GLRB: variants seen among roughly 807,000 people sequenced by gnomAD.
GLRB encodes the protein glycine receptor subunit beta.
In GLRB, 33 loss-of-function variants were observed where a neutral mutation model predicts 54.2. That is an observed-to-expected ratio of 0.61 (90% CI 0.46 to 0.81). The LOEUF (loss-of-function observed/expected upper bound fraction) is 0.81, where lower values mean the gene tolerates loss of function less well. GLRB is among the 40% of genes least tolerant of loss of function. The pLI, the probability that GLRB is intolerant of heterozygous loss-of-function variation, is 0.00. For missense variants in GLRB, 572 were observed against 584.6 expected (o/e 0.98, Z 0.22); for synonymous variants, 209 against 208.2 (o/e 1.00, Z -0.03).
At chr4:157,078,467 T>C (rs1427749775) in intron 2 of GLRB, among the ~76,000 whole-genome samples, 1 of 152,014 alleles carries the variant, frequency 6.6e-6, no homozygotes, top group Non-Finnish European at 1.5e-5. Context: ...AATTGGATAC[T>C]GATATACTGT....
At chr4:157,137,462 A>G (rs1736443130) in intron 6 of GLRB, among the ~76,000 whole-genome samples, 1 of 151,832 alleles carries the variant, frequency 6.6e-6, no homozygotes, top group Admixed American at 6.6e-5. Context: ...TCTTTTGAAA[A>G]TAAAAGTAGA....
At chr4:157,145,109 T>C (rs562769375) in intron 8 of GLRB, among the ~76,000 whole-genome samples, 2 of 152,342 alleles carry the variant, frequency 1.3e-5, no homozygotes, top group Admixed American at 6.5e-5. Flanking sequence ...AAGTTTCTTA[T>C]GTTCATGCAG....
intron 4 of GLRB, among the ~76,000 whole-genome samples, chr4:157,126,040 T>C (rs1278229379): frequency 1.3e-5 from 2 of 151,830 alleles, no homozygotes; most frequent in African/African-American, 2.4e-5. Context: ...GGAGTAGATA[T>C]AACATGAATA....
chr4:157,126,177 G>A (rs1736010413), intron 4 of GLRB, among the ~76,000 whole-genome samples: 1 of 151,902 alleles, frequency 6.6e-6, no homozygotes, highest in Middle Eastern at 3.4e-3. Flanking sequence ...TAATGTTATT[G>A]TCAGGAAATT....
rs540145546 is a variant in GLRB, at chr4:157,168,130, T to C, written c.1198-2302T>C. Among the ~76,000 whole-genome samples the C allele has an allele frequency of 9.0e-4, 134 of 148,796 alleles. 1 individual carries two copies. Among genetic ancestry groups the C allele is most frequent in the African/African-American group, 3.2e-3 (129 of 39,870 alleles). ...ACCAGTTCCTATTTTTTTTTTTTTGTCAGACATTTTGCTAGATACAGAGTA... is the reference window on the plus strand; with the variant it reads ...ACCAGTTCCTATTTTTTTTTTTTTGCCAGACATTTTGCTAGATACAGAGTA... On this transcript the variant is annotated intron_variant, in intron 9 of 9. Transcript: ENST00000264428.
rs778883650 is a variant in GLRB at position 157,138,823 on chromosome 4, G to A, written c.625G>A (p.Asp209Asn). The A allele has an allele frequency of 3.2e-6, 5 of 1,548,084 alleles. No homozygotes were observed. The highest frequency in any genetic ancestry group is 8.9e-7 in the Non-Finnish European group (1 of 1,121,176). The change falls in exon 7 of 10, where the codon GAT becomes AAT. Residue 209 changes from aspartate (D) to asparagine (N), a missense_variant. Physicochemically the swap from Asp to Asn is conservative, Grantham distance 23. Transcript: ENST00000264428. ...MQLESFGYTT[D>N]DLRFIWQSGD... ...TTTGTTTATAGTTGGTTACACAACT[G>A]ATGATTTACGATTTATCTGGCAGTC...
rs776984461 is a variant in GLRB, at chr4:157,136,452, A to G, written c.298-17A>G. ...GCAATAAACATACACATGTGCACGCATGTACTTTTTCTTCAGGACTATAGA... is the reference window on the plus strand; with the variant it reads ...GCAATAAACATACACATGTGCACGCGTGTACTTTTTCTTCAGGACTATAGA... On this transcript the variant is annotated splice_polypyrimidine_tract_variant and intron_variant, in intron 4 of 9. Transcript: ENST00000264428. 5.2e-6 allele frequency: 7 copies of G among 1,355,376 alleles called. No individual in the cohort carries two copies. The South Asian group carries it at 5.8e-5, about 11-fold the overall frequency. 84.0% of individuals were successfully genotyped at this position (1,355,376 alleles called of 1,614,324 possible).
intron 9 of GLRB, among the ~76,000 whole-genome samples, chr4:157,157,348 T>C (rs939439289): frequency 6.6e-6 from 1 of 151,274 alleles, no homozygotes; most frequent in East Asian, 2.0e-4. Context: ...TCACAGACTT[T>C]TAATTATTAC....
chr4:157,121,164 G>A (rs34604014), intron 3 of GLRB, among the ~76,000 whole-genome samples: 290 of 151,582 alleles, frequency 1.9e-3, no homozygotes, highest in Non-Finnish European at 3.3e-3. Flanking sequence ...ACAATTGGCC[G>A]TATGATTTTT....
At chr4:157,134,420 A>G (rs1404938641) in intron 4 of GLRB, among the ~76,000 whole-genome samples, 2 of 151,774 alleles carry the variant, frequency 1.3e-5, no homozygotes, top group Non-Finnish European at 2.9e-5. Context: ...TACCCAGGAG[A>G]TTGAGGCTGC....
intron 9 of GLRB, among the ~76,000 whole-genome samples, chr4:157,157,432 C>T (rs1378404798): frequency 6.6e-6 from 1 of 152,118 alleles, no homozygotes; most frequent in Non-Finnish European, 1.5e-5. Context: ...TGTTGGTGTG[C>T]TGCACCCCTT....
intron 7 of GLRB, among the ~76,000 whole-genome samples, chr4:157,139,404 G>A (rs1460276496): frequency 1.3e-5 from 2 of 152,066 alleles, no homozygotes; most frequent in African/African-American, 2.4e-5. Context: ...ATGCTATGCA[G>A]GAAGCAATAA....
At chr4:157,091,642 C>T (rs1734620645) in intron 2 of GLRB, among the ~76,000 whole-genome samples, 1 of 152,176 alleles carries the variant, frequency 6.6e-6, no homozygotes, top group African/African-American at 2.4e-5. Flanking sequence ...CTGTGGACCA[C>T]ACTTTGAGGG....
intron 2 of GLRB, among the ~76,000 whole-genome samples, chr4:157,092,726 C>T (rs1168648578): frequency 6.6e-6 from 1 of 152,134 alleles, no homozygotes; most frequent in African/African-American, 2.4e-5. Context: ...GTACTGCAAG[C>T]AGCATCATTC....
intron 2 of GLRB, among the ~76,000 whole-genome samples, chr4:157,095,984 G>A (rs1299584045): frequency 6.6e-6 from 1 of 152,172 alleles, no homozygotes. Flanking sequence ...GGGCCTAAGT[G>A]GGTAGTGGAA....
chr4:157,125,815 G>A (rs1735995790), intron 4 of GLRB, among the ~76,000 whole-genome samples: 1 of 151,886 alleles, frequency 6.6e-6, no homozygotes, highest in South Asian at 2.1e-4. Context: ...GGGCATGGTG[G>A]TGCACACCAG....
intron 4 of GLRB, among the ~76,000 whole-genome samples, chr4:157,134,476 C>T (rs1245286839): frequency 6.6e-6 from 1 of 151,762 alleles, no homozygotes; most frequent in Non-Finnish European, 1.5e-5. Context: ...GGCAACAGAG[C>T]AAGACCCTGT....
At chr4:157,159,393 C>G (rs1481994623) in intron 9 of GLRB, among the ~76,000 whole-genome samples, 1 of 152,110 alleles carries the variant, frequency 6.6e-6, no homozygotes, top group Admixed American at 6.5e-5. Context: ...TAAGAGAGGG[C>G]ATCCCTGTCT....
intron 2 of GLRB, among the ~76,000 whole-genome samples, chr4:157,089,761 T>C (rs1477571596): frequency 6.6e-6 from 1 of 152,250 alleles, no homozygotes; most frequent in Non-Finnish European, 1.5e-5. Flanking sequence ...TATCTCTATA[T>C]GTAACTTCAC....
Sources: allele counts gnomAD v4.1 joint callset (sites outside exome capture counted in the v4.1 genomes callset), GRCh38; gene constraint gnomAD v4.1.1; transcripts MANE v1.5; gene names NCBI Gene and HGNC (gene_info 2026-07-23, HGNC 2026-07-21).